BOP1: variants seen among roughly 807,000 people sequenced by gnomAD.
The protein encoded by BOP1 is ribosome biogenesis protein BOP1.
A neutral mutation model predicts 82.9 loss-of-function variants in BOP1; 54 were observed. The ratio of observed to expected loss-of-function variants is 0.65; its 90% confidence interval spans 0.52 to 0.82. The LOEUF is 0.82. BOP1 is among the 40% of genes least tolerant of loss of function. BOP1 has a pLI of 0.00. For missense variants in BOP1, 1,170 were observed against 1,072.0 expected (o/e 1.09, Z -1.28); for synonymous variants, 566 against 451.1 (o/e 1.25, Z -3.23).
intron 2 of BOP1, among the ~76,000 whole-genome samples, chr8:144,280,969 C>G (rs1398015647): frequency 4.7e-4 from 70 of 148,424 alleles, no homozygotes; most frequent in Middle Eastern, 3.6e-3. Context: ...CCTTCTCTCA[C>G]TTTAATACCA....
chr8:144,268,426 G>A (rs986856520), intron 3 of BOP1: 6 of 568,244 alleles, frequency 1.1e-5, no homozygotes, highest in Non-Finnish European at 1.9e-5. Context: ...TTTTTGATAT[G>A]ATAATATAAA....
intron 2 of BOP1, among the ~76,000 whole-genome samples, chr8:144,288,717 C>T (rs1270141159): frequency 2.6e-5 from 4 of 152,142 alleles, no homozygotes; most frequent in Non-Finnish European, 5.9e-5. Context: ...AGCTGGGTTC[C>T]GTTGGGGCCC....
chr8:144,266,700 C>A, intron 3 of BOP1: 2 of 1,234,006 alleles, frequency 1.6e-6, no homozygotes, highest in Non-Finnish European at 1.0e-6. Flanking sequence ...AGGACCGCGG[C>A]AGCGACAGCT....
chr8:144,264,642 G>C, intron 5 of BOP1, 26 bp from the exon 6 acceptor site: 2 of 1,574,610 alleles, frequency 1.3e-6, no homozygotes, highest in Non-Finnish European at 1.7e-6. Flanking sequence ...TGGGCGTGTG[G>C]GCCAGAGTGG....
rs1279566030 is a variant in BOP1 at position 144,269,221 on chromosome 8, G to A, written c.391-4150C>T. On this transcript the variant is annotated intron_variant, in intron 3 of 15. Coordinates refer to ENST00000569669, the MANE Select transcript of BOP1 (RefSeq NM_015201.5). ...CTGCAGGTGACAATTACCATTGAGTGGTGTGAGATCAGTGGGCACAGAGAG... is the reference window on the plus strand; with the variant it reads ...CTGCAGGTGACAATTACCATTGAGTAGTGTGAGATCAGTGGGCACAGAGAG... Among the ~76,000 whole-genome samples, 26 of 152,362 alleles carry A rather than the reference G, an allele frequency of 1.7e-4. No homozygotes were observed. The South Asian group carries it at 4.8e-3, about 28-fold the overall frequency.
intron 2 of BOP1, among the ~76,000 whole-genome samples, chr8:144,277,972 G>A (rs1157246383): frequency 4.6e-5 from 7 of 152,192 alleles, no homozygotes; most frequent in Non-Finnish European, 7.3e-5. Context: ...AACGGAACAT[G>A]AGCCCACGCC....
rs1295720542 is a variant in BOP1, at chr8:144,268,398, G to A, written c.391-3327C>T. The stretch of plus-strand genomic sequence containing the variant: ...TGCGCTGGCTTTTCTTCCGGCCACT[G>A]TGTGATGGCATCTTGTGTTTTTGAT... On this transcript the variant is annotated intron_variant, in intron 3 of 15. Transcript: ENST00000569669. 5.1e-6 allele frequency: 3 copies of A among 586,770 alleles called. No homozygotes were observed. The East Asian group carries it at 8.6e-5, about 17-fold the overall frequency. The allele number at this position is 586,770 out of a possible 1,614,324, so 36.3% of individuals were successfully genotyped here. A position where few individuals can be genotyped will look rare whatever the true frequency, so the allele number is the denominator to read the frequency against.
At chr8:144,265,555 G>A (rs1845342814) in intron 3 of BOP1, 2 of 183,772 alleles carry the variant, frequency 1.1e-5, no homozygotes. Context: ...CCCCTCCCCA[G>A]GCAGAACAGC....
At position 144,262,875 on chromosome 8, in the gene BOP1, G is replaced by A; in HGVS notation, c.1872C>T (p.Ser624=). The A allele has an allele frequency of 6.5e-7, 1 of 1,536,550 alleles. No homozygotes were observed. Among genetic ancestry groups the A allele is most frequent in the Non-Finnish European group, 8.7e-7 (1 of 1,153,332 alleles). Residue 624 remains serine (S), a synonymous_variant, in exon 13 of 16, where the codon TCC becomes TCT. Transcript: ENST00000569669. ...KKLMPNCKWV[S]SLAVHPAGDN... is the part of the protein sequence containing the mutation. The stretch of plus-strand genomic sequence containing the variant: ...CACCTGCAGGGTGCACCGCCAGGCT[G>A]GACACCCACTTGCAGTTGGGCATCA...
Position 144,289,244 on chromosome 8 carries a change from C to T in BOP1, c.160G>A (p.Asp54Asn), listed in dbSNP as rs782184080. ...HSTGSDSGVS[D>N]SEESVFSGLE... ...CCTGAGAACACACTTTCCTCGCTGT[C>T]GGAGACGCCAGAATCGCTGCCGGTG... The change falls in exon 2 of 16, where the codon GAC becomes AAC. Residue 54 changes from aspartate to asparagine, a missense_variant. Physicochemically the swap from Asp to Asn is conservative, Grantham distance 23. Transcript: ENST00000569669. 46 of 1,613,938 alleles carry T rather than the reference C, an allele frequency of 2.9e-5. No homozygotes were observed. The Admixed American group carries it at 5.7e-4, about 20-fold the overall frequency.
rs984077956 is a variant in BOP1, at chr8:144,278,822, T to C, written c.310-2518A>G. ...CTGCTATCCAAGAGCTCTGTGCCGA[T>C]GGCTCGTGTGACAGCAACGACTCAT... On this transcript the variant is annotated intron_variant, in intron 2 of 15. Coordinates refer to ENST00000569669, the MANE Select transcript of BOP1 (RefSeq NM_015201.5). 6.6e-5 allele frequency among the ~76,000 whole-genome samples: 10 copies of C among 152,206 alleles called. 1 individual carries two copies. Among genetic ancestry groups the C allele is most frequent in the Admixed American group, 2.6e-4 (4 of 15,274 alleles).
chr8:144,264,692 G>C (rs1588588996), intron 5 of BOP1, 22 bp downstream of exon 5: 1 of 1,566,244 alleles, frequency 6.4e-7, no homozygotes, highest in Non-Finnish European at 8.6e-7. Context: ...CCGCCGCCCA[G>C]GGGCCAGCCC....
chr8:144,270,172 C>T (rs1032622338), intron 3 of BOP1, among the ~76,000 whole-genome samples: 2 of 152,106 alleles, frequency 1.3e-5, no homozygotes, highest in African/African-American at 2.4e-5. Context: ...AGGTGCGGGG[C>T]GTCGGCGGCC....
intron 3 of BOP1, among the ~76,000 whole-genome samples, chr8:144,267,571 G>A (rs1038694402): frequency 6.6e-6 from 1 of 152,268 alleles, no homozygotes; most frequent in Non-Finnish European, 1.5e-5. Flanking sequence ...AAGAGAGGAA[G>A]GACCCCGGGT....
At position 144,263,774 on chromosome 8, in the gene BOP1, C is replaced by T. The variant is rs933149799; in HGVS notation, c.1222-13G>A. 27 of 1,595,264 alleles carry T rather than the reference C, an allele frequency of 1.7e-5. No homozygotes were observed. Among genetic ancestry groups the T allele is most frequent in the Admixed American group, 1.2e-4 (7 of 56,886 alleles). On this transcript the variant is annotated splice_polypyrimidine_tract_variant and intron_variant, in intron 9 of 15. Coordinates refer to ENST00000569669, the MANE Select transcript of BOP1 (RefSeq NM_015201.5). ...GGCCCCTGTAGACCTGAGGAGGCGG[C>T]GGCAGTGAGGAGTCAGACTGGGAGG...
At position 144,291,378 on chromosome 8, in the gene BOP1, C is replaced by A. The variant is rs1815070162; in HGVS notation, c.-8G>T. On this transcript the variant is annotated 5_prime_UTR_variant, in exon 1 of 16. Transcript: ENST00000569669. The surrounding 1 kb of genome is among the most constrained non-coding windows in gnomAD (Gnocchi z 4.1). ...ACCCCGCGAACCCGCCATGCCCCAC[C>A]GCGCGCCGGCCGCCACCCGCACAGC... 1.7e-6 allele frequency: 2 copies of A among 1,199,078 alleles called. No individual in the cohort carries two copies. The highest frequency in any genetic ancestry group is 4.6e-5 in the Admixed American group (1 of 21,782). 74.3% of individuals were successfully genotyped at this position (1,199,078 alleles called of 1,614,324 possible). A position where few individuals can be genotyped will look rare whatever the true frequency, so the allele number is the denominator to read the frequency against.
chr8:144,270,418 G>T (rs1845473634), intron 3 of BOP1, among the ~76,000 whole-genome samples: 2 of 152,192 alleles, frequency 1.3e-5, no homozygotes, highest in Non-Finnish European at 2.9e-5. Flanking sequence ...AGGATCCCCA[G>T]GGCCCTGCTG....
chr8:144,265,136 C>T (rs1845331112), intron 3 of BOP1, 65 bp from the exon 4 acceptor site: 1 of 1,563,078 alleles, frequency 6.4e-7, no homozygotes, highest in Non-Finnish European at 8.7e-7. Flanking sequence ...TCGGGCCGCC[C>T]AGGGGAGCAG....
At chr8:144,278,632 C>T (rs1845618322) in intron 2 of BOP1, among the ~76,000 whole-genome samples, 1 of 152,222 alleles carries the variant, frequency 6.6e-6, no homozygotes, top group Non-Finnish European at 1.5e-5. Context: ...GGGAAGCAGT[C>T]CTAACTTGCC....
Sources: allele counts gnomAD v4.1 joint callset (sites outside exome capture counted in the v4.1 genomes callset), GRCh38; gene constraint gnomAD v4.1.1; non-coding constraint Gnocchi (gnomAD v3.1); transcripts MANE v1.5; gene names NCBI Gene and HGNC (gene_info 2026-07-23, HGNC 2026-07-21).